The following ABCC5 variants were observed in gnomAD, a reference collection of about 807,000 sequenced individuals.
The protein encoded by ABCC5 is ATP-binding cassette sub-family C member 5.
ABCC5 carries 61 observed loss-of-function variants against 160.9 expected under a neutral mutation model. The observed-to-expected ratio is 0.38, with a 90% confidence interval of 0.31 to 0.47. ABCC5 has a LOEUF of 0.47. Ranked by LOEUF, ABCC5 falls within the 20% of genes least tolerant of loss-of-function variation. The probability of loss-of-function intolerance (pLI) is 0.99; values close to 1 mark genes in which losing one functional copy is unlikely to be tolerated. For synonymous variants in ABCC5, 666 were observed against 700.6 expected, an observed-to-expected ratio of 0.95 and a Z score of 0.78; for missense variants, 1,308 against 1,813.3, an observed-to-expected ratio of 0.72 and a Z score of 5.06.
chr3:184,007,554 A>G (rs1298295145), intron 2 of ABCC5, among the ~76,000 whole-genome samples: 1 of 152,096 alleles, frequency 6.6e-6, no homozygotes, highest in Non-Finnish European at 1.5e-5. Context: ...GCCCAGGCGC[A>G]GTGGCTCACA....
chr3:184,005,529 C>T (rs887186043), intron 2 of ABCC5, among the ~76,000 whole-genome samples: 9 of 151,448 alleles, frequency 5.9e-5, no homozygotes, highest in African/African-American at 1.9e-4. Context: ...TTAATAATGA[C>T]AGGTTTAACC....
At chr3:183,940,344 CA>C (rs780123476) in intron 25 of ABCC5, among the ~76,000 whole-genome samples, 274 of 121,540 alleles carry the variant, frequency 2.3e-3, no homozygotes, top group African/African-American at 3.8e-3. Context: ...CTAAAAAATA[CA>C]AAAAAAAAAA....
chr3:183,962,832 G>A (rs76881050), intron 15 of ABCC5, among the ~76,000 whole-genome samples: 12,202 of 152,082 alleles, frequency 0.08, 1,653 homozygotes, highest in African/African-American at 0.28. Flanking sequence ...GAGTCCCTCC[G>A]GTTTTTCACA....
At chr3:183,996,769 C>G (rs374709830) in intron 2 of ABCC5, among the ~76,000 whole-genome samples, 5 of 152,302 alleles carry the variant, frequency 3.3e-5, no homozygotes, top group Admixed American at 1.3e-4. Flanking sequence ...AGTAGAAATT[C>G]TCACAGTAAG....
chr3:183,997,829 C>T (rs1720401621), intron 2 of ABCC5, among the ~76,000 whole-genome samples: 1 of 152,172 alleles, frequency 6.6e-6, no homozygotes, highest in Non-Finnish European at 1.5e-5. Flanking sequence ...GTCACCCAGG[C>T]TGGAATGCAG....
At chr3:183,948,676 T>A (rs909712285) in intron 22 of ABCC5, among the ~76,000 whole-genome samples, 1 of 152,124 alleles carries the variant, frequency 6.6e-6, no homozygotes, top group African/African-American at 2.4e-5. Context: ...GTTTTTTTTT[T>A]AATCCTTTCA....
Position 183,942,830 on chromosome 3 carries a change from G to A in ABCC5, c.3591C>T (p.Asn1197=), listed in dbSNP as rs377172194. 6.7e-5 allele frequency: 108 copies of A among 1,614,080 alleles called. No homozygotes were observed. The highest frequency in any genetic ancestry group is 2.7e-4 in the African/African-American group (20 of 75,002). ...GGTTTTCTCGGTACCTCATCTCTGC[G>A]TTCTCAAAGGTCACCTCTCCCTCCT... ...WPQEGEVTFE[N]AEMRYRENLP... is the part of the protein sequence containing the mutation. The change falls in exon 25 of 30, where the codon AAC becomes AAT. Residue 1197 remains asparagine (N), a synonymous_variant. Coordinates refer to ENST00000334444, the MANE Select transcript of ABCC5 (RefSeq NM_005688.4).
chr3:183,985,271 G>A (rs1363773907), intron 5 of ABCC5: 1 of 1,569,422 alleles, frequency 6.4e-7, no homozygotes, highest in Non-Finnish European at 8.8e-7. Flanking sequence ...TCTGGCTGTG[G>A]AAAGCATTCC....
intron 12 of ABCC5, among the ~76,000 whole-genome samples, chr3:183,967,007 T>C (rs1577552621): frequency 8.3e-6 from 1 of 120,976 alleles, no homozygotes; most frequent in East Asian, 2.5e-4. Flanking sequence ...TGTGGGCACC[T>C]TGTTTTTTTT....
At chr3:183,995,784 G>A (rs907984383) in intron 2 of ABCC5, among the ~76,000 whole-genome samples, 5 of 152,078 alleles carry the variant, frequency 3.3e-5, no homozygotes, top group African/African-American at 9.7e-5. Context: ...GGTGAACCAA[G>A]TTCAAGAGTT....
chr3:183,991,484 T>C (rs1719766255), intron 2 of ABCC5, among the ~76,000 whole-genome samples: 1 of 152,170 alleles, frequency 6.6e-6, no homozygotes. Context: ...TTAACAGAAC[T>C]GAACGGGTAG....
intron 17 of ABCC5, among the ~76,000 whole-genome samples, chr3:183,953,729 T>C (rs1715602640): frequency 6.6e-6 from 1 of 152,058 alleles, no homozygotes; most frequent in Non-Finnish European, 1.5e-5. Context: ...AAGCCACAGA[T>C]GACCGGGTGG....
intron 5 of ABCC5, chr3:183,983,983 A>G: frequency 1.0e-6 from 1 of 985,416 alleles, no homozygotes; most frequent in Non-Finnish European, 1.2e-6. Flanking sequence ...CAGAGTCCAA[A>G]GTAGTATATC....
rs949726773 is a variant in ABCC5, at chr3:183,928,904, A to G, written c.3855-79T>C. 5 of 1,172,140 alleles carry G rather than the reference A, an allele frequency of 4.3e-6. No homozygotes were observed. The African/African-American group carries it at 6.0e-5, about 14-fold the overall frequency. 72.6% of individuals were successfully genotyped at this position (1,172,140 alleles called of 1,614,324 possible). On this transcript the variant is annotated intron_variant, in intron 26 of 29. Transcript: ENST00000334444. Reference sequence around the variant, plus strand: ...CAAAGGCTGTCTGTGGAAGATGTTTAACACACATGCATAGGGAGAGAAGAC... The same window carrying G: ...CAAAGGCTGTCTGTGGAAGATGTTTGACACACATGCATAGGGAGAGAAGAC...
chr3:184,014,590 CAA>C (rs1722041483), intron 1 of ABCC5, 143 bp from the exon 2 acceptor site: 2 of 398,654 alleles, frequency 5.0e-6, no homozygotes, highest in East Asian at 9.8e-5. Flanking sequence ...AATTAATTTT[CAA>C]AAAAAGTTCA....
At chr3:183,997,481 C>T (rs186895430) in intron 2 of ABCC5, among the ~76,000 whole-genome samples, 226 of 152,240 alleles carry the variant, frequency 1.5e-3, no homozygotes, top group African/African-American at 5.3e-3. Flanking sequence ...CTTTAGTTTT[C>T]CCTGACTCTT....
rs187996034 is a variant in ABCC5 at position 183,961,022 on chromosome 3, C to T, written c.2379+489G>A. Among the ~76,000 whole-genome samples the T allele has an allele frequency of 9.7e-4, 147 of 152,262 alleles. 1 individual carries two copies. The highest frequency in any genetic ancestry group is 1.9e-4 in the Non-Finnish European group (13 of 68,018). ...CAAGCTGGTGTCGAATTCCTGGGCG[C>T]AAGCAATCTGTCCACCTCAGCCTCC... On this transcript the variant is annotated intron_variant, in intron 16 of 29. Coordinates refer to ENST00000334444, the MANE Select transcript of ABCC5 (RefSeq NM_005688.4).
rs1718821442 is a variant in ABCC5, at chr3:183,982,355, G to C, written c.999+96C>G. On this transcript the variant is annotated intron_variant, in intron 7 of 29. Coordinates refer to ENST00000334444, the MANE Select transcript of ABCC5 (RefSeq NM_005688.4). This position sits in a 1 kb window ranked among gnomAD's most constrained non-coding sequence, Gnocchi z 5.2. Reference sequence around the variant, plus strand: ...CCTGCTTTGAGGAAATTTCCAATCAGAGCTGTGAGACCTCAGCAATGCCTA... The same window carrying C: ...CCTGCTTTGAGGAAATTTCCAATCACAGCTGTGAGACCTCAGCAATGCCTA... The C allele has an allele frequency of 7.4e-7, 1 of 1,354,822 alleles. No individual in the cohort carries two copies. The highest frequency in any genetic ancestry group is 2.4e-5 in the Admixed American group (1 of 40,970). The allele number at this position is 1,354,822 out of a possible 1,614,324, so 83.9% of individuals were successfully genotyped here.
At position 183,950,039 on chromosome 3, in the gene ABCC5, A is replaced by C. The variant is rs1715198229; in HGVS notation, c.3031T>G (p.Phe1011Val). 1 of 1,614,056 alleles carries C rather than the reference A, an allele frequency of 6.2e-7. No individual in the cohort carries two copies. Among genetic ancestry groups the C allele is most frequent in the Admixed American group, 1.7e-5 (1 of 59,988 alleles). ...FFCVGMIAGV[F>V]PWFLVAVGPL... The stretch of plus-strand genomic sequence containing the variant: ...CCCACTGCCACAAGGAACCACGGGA[A>C]GACTCCTGCGATCATTCCCACACAG... The change falls in exon 21 of 30, where the codon TTC becomes GTC. Residue 1011 changes from phenylalanine to valine, a missense_variant. By Grantham distance (50) the Phe-to-Val change is conservative. Around this residue, in one of 3 missense-constraint regions of ABCC5, gnomAD observed 1,142 missense variants for 1,527.1 expected, o/e 0.75. Transcript: ENST00000334444.
Sources: allele counts gnomAD v4.1 joint callset (sites outside exome capture counted in the v4.1 genomes callset), GRCh38; gene constraint gnomAD v4.1.1; regional missense constraint gnomAD v4.1.1; non-coding constraint Gnocchi (gnomAD v3.1); transcripts MANE v1.5; gene names NCBI Gene and HGNC (gene_info 2026-07-23, HGNC 2026-07-21).